PAX9: variants seen among roughly 807,000 people sequenced by gnomAD.
PAX9 encodes the protein paired box protein Pax-9.
A neutral mutation model predicts 29.1 loss-of-function variants in PAX9; 6 were observed. That is an observed-to-expected ratio of 0.21 (90% CI 0.11 to 0.41). The LOEUF is 0.41. Among genes scored for constraint, PAX9 ranks in the 10% least tolerant of loss-of-function variants. The pLI, the probability that PAX9 is intolerant of heterozygous loss-of-function variation, is 1.00. For synonymous variants in PAX9, 217 were observed against 211.7 expected, an observed-to-expected ratio of 1.03 and a Z score of -0.22; for missense variants, 443 against 479.1, an observed-to-expected ratio of 0.92 and a Z score of 0.70.
intron 2 of PAX9, among the ~76,000 whole-genome samples, chr14:36,665,481 A>G (rs534613359): frequency 1.3e-5 from 2 of 152,304 alleles, no homozygotes; most frequent in Non-Finnish European, 2.9e-5. Flanking sequence ...CCCAAAGACA[A>G]ACATACATTG....
Position 36,678,991 on chromosome 14 carries a change from C to T in PAX9, c.*2539C>T. Reference sequence around the variant, plus strand: ...TAATGTTGACATATTTCCTCTATCTCATAGATGGTAAAAGTGTTGCTTTTA... The same window carrying T: ...TAATGTTGACATATTTCCTCTATCTTATAGATGGTAAAAGTGTTGCTTTTA... On this transcript the variant is annotated 3_prime_UTR_variant, in exon 4 of 4. Transcript: ENST00000361487. 1 of 973,686 alleles carries T rather than the reference C, an allele frequency of 1.0e-6. No individual in the cohort carries two copies. The highest frequency in any genetic ancestry group is 1.2e-4 in the East Asian group (1 of 8,456). The allele number at this position is 973,686 out of a possible 1,614,324, so 60.3% of individuals were successfully genotyped here. A position where few individuals can be genotyped will look rare whatever the true frequency, so the allele number is the denominator to read the frequency against.
chr14:36,676,539 T>A lies in PAX9; in HGVS notation c.*87T>A. The A allele has an allele frequency of 6.8e-7, 1 of 1,472,990 alleles. No individual in the cohort carries two copies. The highest frequency in any genetic ancestry group is 9.3e-7 in the Non-Finnish European group (1 of 1,076,434). The allele number at this position is 1,472,990 out of a possible 1,614,324, so 91.2% of individuals were successfully genotyped here. A position where few individuals can be genotyped will look rare whatever the true frequency, so the allele number is the denominator to read the frequency against. On this transcript the variant is annotated 3_prime_UTR_variant, in exon 4 of 4. Coordinates refer to ENST00000361487, the MANE Select transcript of PAX9 (RefSeq NM_001372076.1). Reference sequence around the variant, plus strand: ...ATTCCCAGGTCTCACATCCCACCCCTCCTGCCCTCCAACCCTTCTGCCTTG... The same window carrying A: ...ATTCCCAGGTCTCACATCCCACCCCACCTGCCCTCCAACCCTTCTGCCTTG...
chr14:36,678,670 G>T lies in PAX9; in HGVS notation c.*2218G>T. The T allele has an allele frequency of 1.6e-6, 2 of 1,253,412 alleles. No individual in the cohort carries two copies. The highest frequency in any genetic ancestry group is 7.3e-5 in the South Asian group (2 of 27,406). The allele number at this position is 1,253,412 out of a possible 1,614,324, so 77.6% of individuals were successfully genotyped here. On this transcript the variant is annotated 3_prime_UTR_variant, in exon 4 of 4. Transcript: ENST00000361487. ...TAGGGGGCTTTAAAAAATATTACTT[G>T]CTTGTGTGGAAATGCAAATAATGTT...
chr14:36,664,675 T>G (rs17091922), intron 2 of PAX9, among the ~76,000 whole-genome samples: 5,618 of 152,054 alleles, frequency 0.037, 372 homozygotes, highest in African/African-American at 0.13. Context: ...GTCCACTTTC[T>G]TAATTTCTCA....
At chr14:36,657,691 C>T (rs1273211628), upstream of PAX9, 1 of 152,262 alleles carries the variant, frequency 6.6e-6, no homozygotes, top group African/African-American at 2.4e-5. Flanking sequence ...GACGCATTTC[C>T]GAGCTCGGGC....
chr14:36,658,237 CT>C (rs1195519401), upstream of PAX9, among the ~76,000 whole-genome samples: 10 of 152,154 alleles, frequency 6.6e-5, no homozygotes, highest in Non-Finnish European at 1.2e-4. Context: ...CTTGCCTTTA[CT>C]GCATTTGCCC....
At position 36,676,868 on chromosome 14, in the gene PAX9, A is replaced by T; in HGVS notation, c.*416A>T. On this transcript the variant is annotated 3_prime_UTR_variant, in exon 4 of 4. Transcript: ENST00000361487. Reference sequence around the variant, plus strand: ...TGTTGAGATTTTGCAAAATCAATAAAGGAAAATACTTATAGAAAAAATTAT... The same window carrying T: ...TGTTGAGATTTTGCAAAATCAATAATGGAAAATACTTATAGAAAAAATTAT... 1.7e-4 allele frequency: 39 copies of T among 227,750 alleles called. No homozygotes were observed. The highest frequency in any genetic ancestry group is 4.2e-4 in the Admixed American group (8 of 19,274). 14.1% of individuals were successfully genotyped at this position (227,750 alleles called of 1,614,324 possible).
chr14:36,665,262 T>C (rs1881448053), intron 2 of PAX9, among the ~76,000 whole-genome samples: 1 of 151,462 alleles, frequency 6.6e-6, no homozygotes, highest in Admixed American at 6.6e-5. Context: ...GTTGGGAAAG[T>C]ATTGGAGAAT....
upstream of PAX9, among the ~76,000 whole-genome samples, chr14:36,659,082 CT>C (rs899779498): frequency 5.9e-5 from 9 of 152,342 alleles, no homozygotes; most frequent in African/African-American, 2.2e-4. Flanking sequence ...TAGGGAAAGG[CT>C]TTTTGGCTTC....
At position 36,678,841 on chromosome 14, in the gene PAX9, A is replaced by G; in HGVS notation, c.*2389A>G. The G allele has an allele frequency of 3.1e-6, 3 of 980,192 alleles. No homozygotes were observed. The highest frequency in any genetic ancestry group is 4.8e-5 in the South Asian group (1 of 20,856). The allele number at this position is 980,192 out of a possible 1,614,324, so 60.7% of individuals were successfully genotyped here. ...TCTTAACAGTGAATTCACATGGAGT[A>G]ATTTTTAAAAGATATCAGATACAAT... On this transcript the variant is annotated 3_prime_UTR_variant, in exon 4 of 4. Transcript: ENST00000361487.
At chr14:36,660,638 G>A (rs1416693920), upstream of PAX9, among the ~76,000 whole-genome samples, 1 of 152,172 alleles carries the variant, frequency 6.6e-6, no homozygotes, top group Non-Finnish European at 1.5e-5. Context: ...GGGACTGTTG[G>A]GGAAGCAGCC....
chr14:36,661,717 C>A (rs1881273778), upstream of PAX9: 1 of 372,012 alleles, frequency 2.7e-6, no homozygotes, highest in East Asian at 5.1e-5. Flanking sequence ...GGGGAGCTAG[C>A]CTGAAAGAGA....
Position 36,676,195 on chromosome 14 carries a change from C to T in PAX9, c.772-3C>T. The T allele has an allele frequency of 6.2e-7, 1 of 1,614,122 alleles. No individual in the cohort carries two copies. ...TTTTTCACTTCTTTTCTACTCCTCT[C>T]AGGCACCAAATGGTCTCCCAGCTGT... On this transcript the variant is annotated splice_region_variant and splice_polypyrimidine_tract_variant and intron_variant, in intron 3 of 3. Transcript: ENST00000361487.
chr14:36,661,973 G>T lies in PAX9; in HGVS notation c.-117G>T, dbSNP rs893150960. The T allele has an allele frequency of 8.4e-6, 11 of 1,306,964 alleles. No homozygotes were observed. The highest frequency in any genetic ancestry group is 1.5e-5 in the African/African-American group (1 of 68,280). The allele number at this position is 1,306,964 out of a possible 1,614,324, so 81.0% of individuals were successfully genotyped here. On this transcript the variant is annotated 5_prime_UTR_variant, in exon 1 of 4. Transcript: ENST00000361487. ...CCCTCTCGCCTCCTCCTCCTGGGAA[G>T]AAGCGGAGGCGCCGGCGGTCGGCCG...
chr14:36,666,736 A>G, intron 3 of PAX9, 135 bp downstream of exon 3: 1 of 1,206,960 alleles, frequency 8.3e-7, no homozygotes, highest in Non-Finnish European at 1.2e-6. Flanking sequence ...GCTACGAGCC[A>G]GATCCTTCGT....
intron 3 of PAX9, among the ~76,000 whole-genome samples, chr14:36,671,587 G>A (rs1180546097): frequency 1.3e-5 from 2 of 151,298 alleles, no homozygotes; most frequent in East Asian, 3.8e-4. Context: ...TATACATATG[G>A]TTGTGGAATG....
chr14:36,663,168 G>A lies in PAX9; in HGVS notation c.276G>A (p.Gln92=). Residue 92 remains glutamine (Q), a synonymous_variant, in exon 2 of 4, where the codon CAG becomes CAA. Transcript: ENST00000361487. The stretch of plus-strand genomic sequence containing the variant: ...TGAAACACATCCGGACCTACAAGCA[G>A]AGAGACCCCGGCATCTTCGCCTGGG... ...TVVKHIRTYK[Q]RDPGIFAWEI... is the part of the protein sequence containing the mutation. 2.5e-6 allele frequency: 4 copies of A among 1,614,116 alleles called. No individual in the cohort carries two copies. The South Asian group carries it at 3.3e-5, about 13-fold the overall frequency.
At chr14:36,666,162 C>T in intron 2 of PAX9, 1 of 415,522 alleles carries the variant, frequency 2.4e-6, no homozygotes. Context: ...CTCCTTTGCC[C>T]TGGGAGAGCA....
intron 3 of PAX9, among the ~76,000 whole-genome samples, chr14:36,675,295 G>C (rs1384248810): frequency 1.3e-5 from 2 of 152,202 alleles, no homozygotes; most frequent in Non-Finnish European, 2.9e-5. Context: ...GGTGTTTTTA[G>C]TGTTGTTAAT....
Sources: allele counts gnomAD v4.1 joint callset (sites outside exome capture counted in the v4.1 genomes callset), GRCh38; gene constraint gnomAD v4.1.1; transcripts MANE v1.5; gene names NCBI Gene and HGNC (gene_info 2026-07-23, HGNC 2026-07-21).